Variants in C5orf63 observed in about 807,000 individuals in gnomAD.
C5orf63 encodes the protein glutaredoxin-like protein C5orf63.
In C5orf63, 18 loss-of-function variants were observed where a neutral mutation model predicts 13.3. That is an observed-to-expected ratio of 1.36 (90% CI 0.94 to 2.01). The LOEUF (loss-of-function observed/expected upper bound fraction) is 2.01, where lower values mean the gene tolerates loss of function less well. C5orf63 is among the 30% of genes most tolerant of loss of function. The probability of loss-of-function intolerance (pLI) is 0.00; values close to 1 mark genes in which losing one functional copy is unlikely to be tolerated. For missense variants in C5orf63, 118 were observed against 127.7 expected (o/e 0.92, Z 0.36); for synonymous variants, 38 against 44.7 (o/e 0.85, Z 0.60).
intron 2 of C5orf63, among the ~76,000 whole-genome samples, chr5:127,060,411 A>G (rs779333718): frequency 6.6e-6 from 1 of 152,194 alleles, no homozygotes; most frequent in Non-Finnish European, 1.5e-5. Context: ...AACATAAGAC[A>G]TAAGTCCTCT....
Position 127,051,519 on chromosome 5 carries a change from A to C in C5orf63, c.*252T>G. ...CAAAAAGGATAAATAAGACAAATGG[A>C]CTTCTCCCTCCCTCCATCATCTCCC... is the stretch of plus-strand genomic sequence containing the variant. On this transcript the variant is annotated 3_prime_UTR_variant, in exon 5 of 5. Transcript: ENST00000296662. 8.1e-7 allele frequency: 1 copy of C among 1,236,482 alleles called. No homozygotes were observed. Among genetic ancestry groups the C allele is most frequent in the Non-Finnish European group, 1.0e-6 (1 of 990,196 alleles). 76.6% of individuals were successfully genotyped at this position (1,236,482 alleles called of 1,614,324 possible).
At chr5:127,052,831 C>A (rs1446769721) in intron 3 of C5orf63, among the ~76,000 whole-genome samples, 162 bp from the exon 4 acceptor site, 2 of 152,164 alleles carry the variant, frequency 1.3e-5, no homozygotes, top group Non-Finnish European at 2.9e-5. Context: ...TAAAACACTA[C>A]CATAGAATCT....
intron 3 of C5orf63, among the ~76,000 whole-genome samples, chr5:127,057,716 GT>G (rs1561489964): frequency 6.6e-6 from 1 of 152,318 alleles, no homozygotes; most frequent in East Asian, 1.9e-4. Flanking sequence ...CTAAGCTGAG[GT>G]CAAACAAGGT....
chr5:127,072,431 C>T (rs966269523), intron 1 of C5orf63, among the ~76,000 whole-genome samples: 1 of 152,102 alleles, frequency 6.6e-6, no homozygotes, highest in Non-Finnish European at 1.5e-5. Context: ...AGAATATGAC[C>T]AAATGAGAAG....
rs552563449 is a variant in C5orf63 at position 127,055,991 on chromosome 5, T to C, written c.114+2891A>G. Among the ~76,000 whole-genome samples the C allele has an allele frequency of 3.5e-4, 53 of 152,326 alleles. 1 individual carries two copies. The highest frequency in any genetic ancestry group is 1.3e-3 in the African/African-American group (53 of 41,588). On this transcript the variant is annotated intron_variant, in intron 3 of 4. Transcript: ENST00000296662. ...AATGGACCATTCAAATATCCTTCTC[T>C]AGGATTTTCCATGGCACTTGTTATT...
chr5:127,070,066 C>T (rs1379266583), intron 2 of C5orf63, among the ~76,000 whole-genome samples: 3 of 152,044 alleles, frequency 2.0e-5, no homozygotes, highest in African/African-American at 7.2e-5. Context: ...AATTAACAGA[C>T]ACTTCATTTT....
At chr5:127,049,561 C>A (rs965820487), downstream of C5orf63, among the ~76,000 whole-genome samples, 3 of 152,192 alleles carry the variant, frequency 2.0e-5, no homozygotes, top group Admixed American at 6.6e-5. Context: ...ATTCACTTGT[C>A]TCTCCTTGCT....
chr5:127,061,761 TATAC>T (rs1282621974), intron 2 of C5orf63, among the ~76,000 whole-genome samples: 1 of 152,220 alleles, frequency 6.6e-6, no homozygotes, highest in Non-Finnish European at 1.5e-5. Context: ...GGTAGAAACT[TATAC>T]ATCATGGGAT....
At chr5:127,068,681 T>C (rs1327539161) in intron 2 of C5orf63, among the ~76,000 whole-genome samples, 2 of 152,194 alleles carry the variant, frequency 1.3e-5, no homozygotes, top group Non-Finnish European at 2.9e-5. Flanking sequence ...GAGAGGAGTC[T>C]TCAGTATAAG....
At chr5:127,068,231 T>C (rs529048806) in intron 2 of C5orf63, among the ~76,000 whole-genome samples, 55 of 152,266 alleles carry the variant, frequency 3.6e-4, no homozygotes, top group African/African-American at 1.2e-3. Context: ...GCTAAACAAA[T>C]GCCATGGGAA....
At chr5:127,062,747 T>C (rs1754156039) in intron 2 of C5orf63, among the ~76,000 whole-genome samples, 1 of 152,202 alleles carries the variant, frequency 6.6e-6, no homozygotes, top group Non-Finnish European at 1.5e-5. Flanking sequence ...ACATTTTCAT[T>C]AGTTCTATTA....
rs1478703584 is a variant in C5orf63, at chr5:127,051,437, A to G, written c.*334T>C. 7 of 1,233,084 alleles carry G rather than the reference A, an allele frequency of 5.7e-6. No homozygotes were observed. Among genetic ancestry groups the G allele is most frequent in the Middle Eastern group, 3.1e-4 (1 of 3,210 alleles). The allele number at this position is 1,233,084 out of a possible 1,614,324, so 76.4% of individuals were successfully genotyped here. On this transcript the variant is annotated 3_prime_UTR_variant, in exon 5 of 5. Coordinates refer to ENST00000296662, the MANE Select transcript of C5orf63 (RefSeq NM_001164478.2). The stretch of plus-strand genomic sequence containing the variant: ...CTCCGGGGCAGCAGCAGGAATGCAG[A>G]ACCTTCTTCCTATAAATGGCATTGC...
downstream of C5orf63, among the ~76,000 whole-genome samples, chr5:127,049,974 C>T (rs1010428040): frequency 3.3e-5 from 5 of 152,164 alleles, no homozygotes; most frequent in Non-Finnish European, 7.3e-5. Context: ...CAGAGGCTAC[C>T]CAGTTTCTTG....
downstream of C5orf63, among the ~76,000 whole-genome samples, chr5:127,049,861 C>T (rs1218867207): frequency 1.3e-5 from 2 of 152,176 alleles, no homozygotes; most frequent in East Asian, 3.8e-4. Flanking sequence ...GTTGGGGATC[C>T]TCTTCTAAGC....
At chr5:127,058,852 A>G in intron 3 of C5orf63, 30 bp downstream of exon 3, 1 of 1,385,724 alleles carries the variant, frequency 7.2e-7, no homozygotes, top group Non-Finnish European at 9.9e-7. Flanking sequence ...AACTTTCTTC[A>G]CCCAACAATT....
downstream of C5orf63, among the ~76,000 whole-genome samples, chr5:127,050,419 GC>G (rs1365106511): frequency 6.6e-6 from 1 of 151,458 alleles, no homozygotes; most frequent in Non-Finnish European, 1.5e-5. Flanking sequence ...GGGCTCTTCT[GC>G]CTCAGCCTCT....
At chr5:127,043,826 G>A (rs1394977487), downstream of C5orf63, 1 of 152,158 alleles carries the variant, frequency 6.6e-6, no homozygotes, top group Non-Finnish European at 1.5e-5. Context: ...TCTGAATATA[G>A]GACTTTCTCA....
intron 2 of C5orf63, among the ~76,000 whole-genome samples, chr5:127,061,457 G>A (rs910367098): frequency 1.3e-5 from 2 of 152,116 alleles, no homozygotes; most frequent in African/African-American, 4.8e-5. Flanking sequence ...GGATCTCTCT[G>A]CCAACTAAAT....
intron 2 of C5orf63, among the ~76,000 whole-genome samples, chr5:127,065,376 G>A (rs1020356590): frequency 6.6e-6 from 1 of 152,150 alleles, no homozygotes; most frequent in Non-Finnish European, 1.5e-5. Context: ...TAAGAGAATG[G>A]GAAAGAAGAG....
Sources: allele counts gnomAD v4.1 joint callset (sites outside exome capture counted in the v4.1 genomes callset), GRCh38; gene constraint gnomAD v4.1.1; transcripts MANE v1.5; gene names NCBI Gene and HGNC (gene_info 2026-07-23, HGNC 2026-07-21).